XKR5: variants seen among roughly 807,000 people sequenced by gnomAD.
The protein encoded by XKR5 is XK related 5.
XKR5 carries 46 observed loss-of-function variants against 40.8 expected under a neutral mutation model. That is an observed-to-expected ratio of 1.13 (90% CI 0.89 to 1.44). The LOEUF (loss-of-function observed/expected upper bound fraction) is 1.44. Among genes scored for constraint, XKR5 ranks in the 40% most tolerant of loss-of-function variants. XKR5 has a pLI of 0.00. For synonymous variants in XKR5, 466 were observed against 356.1 expected (o/e 1.31, Z -3.48); for missense variants, 1,169 against 844.7 (o/e 1.38, Z -4.76).
intron 1 of XKR5, among the ~76,000 whole-genome samples, chr8:6,833,656 C>T (rs1804870821): frequency 6.6e-6 from 1 of 152,140 alleles, no homozygotes; most frequent in Non-Finnish European, 1.5e-5. Context: ...GCGGAGTTTG[C>T]AGTGAGTCGA....
chr8:6,832,579 G>A, intron 2 of XKR5, 138 bp downstream of exon 2: 1 of 1,069,978 alleles, frequency 9.3e-7, no homozygotes, highest in South Asian at 1.6e-5. Flanking sequence ...CAGAGCAGGG[G>A]TTTGCTGTGG....
chr8:6,825,024 T>C, intron 3 of XKR5, 141 bp downstream of exon 3: 1 of 928,718 alleles, frequency 1.1e-6, no homozygotes, highest in Non-Finnish European at 1.6e-6. Context: ...GTTTTAAGCA[T>C]CATCTGTGCC....
Position 6,815,857 on chromosome 8 carries a change from G to A in XKR5, c.869C>T (p.Ser290Leu), listed in dbSNP as rs965780263. 2.1e-5 allele frequency: 33 copies of A among 1,605,384 alleles called. No homozygotes were observed. Among genetic ancestry groups the A allele is most frequent in the Middle Eastern group, 1.6e-4 (1 of 6,072 alleles). Residue 290 changes from serine (S) to leucine (L), a missense_variant, in exon 6 of 7, where the codon TCG becomes TTG. Ser to Leu is a moderately radical substitution (Grantham distance 145, BLOSUM62 -2). Coordinates refer to ENST00000618742, the MANE Select transcript of XKR5 (RefSeq NM_207411.5). ...AGCTATGGTCTGCAGGCTGGTCCAC[G>A]ATGCCCCCTGGAGAAAGTCGGTGGC... ...LLATDFLQGA[S>L]WTSLQTIAGV...
In XKR5 at chr8:6,820,215, C is replaced by A. The variant is rs1804171041; in HGVS notation, c.807+1654G>T. ...AGGGATCCAAGCCCCCGGGCTAGGACTGCCCGGCCTGGATGGGTCTGTGCA... is the reference window on the plus strand; with the variant it reads ...AGGGATCCAAGCCCCCGGGCTAGGAATGCCCGGCCTGGATGGGTCTGTGCA... On this transcript the variant is annotated intron_variant, in intron 5 of 6. Coordinates refer to ENST00000618742, the MANE Select transcript of XKR5 (RefSeq NM_207411.5). 2.0e-5 allele frequency among the ~76,000 whole-genome samples: 3 copies of A among 152,270 alleles called. No homozygotes were observed. In the South Asian group the frequency reaches 6.2e-4, roughly 31 times the overall value.
Position 6,835,524 on chromosome 8 carries a change from C to T in XKR5, c.-31G>A. The T allele has an allele frequency of 3.4e-6, 5 of 1,476,396 alleles. No homozygotes were observed. The highest frequency in any genetic ancestry group is 4.5e-6 in the Non-Finnish European group (5 of 1,120,128). The allele number at this position is 1,476,396 out of a possible 1,614,324, so 91.5% of individuals were successfully genotyped here. A position where few individuals can be genotyped will look rare whatever the true frequency, so the allele number is the denominator to read the frequency against. On this transcript the variant is annotated 5_prime_UTR_variant, in exon 1 of 7. Coordinates refer to ENST00000618742, the MANE Select transcript of XKR5 (RefSeq NM_207411.5). Reference sequence around the variant, plus strand: ...GTGCCGACCCCGCAGCCTGCGCCCGCCCCTTCCCCTGCACGCGGCCCCGCG... The same window carrying T: ...GTGCCGACCCCGCAGCCTGCGCCCGTCCCTTCCCCTGCACGCGGCCCCGCG...
intron 5 of XKR5, among the ~76,000 whole-genome samples, chr8:6,817,694 G>A (rs570747794): frequency 1.3e-5 from 2 of 152,350 alleles, no homozygotes; most frequent in South Asian, 4.1e-4. Flanking sequence ...TTTCCGAGCA[G>A]TTCCTTTAGA....
rs1047890415 is a variant in XKR5 at position 6,821,965 on chromosome 8, C to A, written c.711G>T (p.Trp237Cys). 3 of 1,612,054 alleles carry A rather than the reference C, an allele frequency of 1.9e-6. No homozygotes were observed. The African/African-American group carries it at 4.0e-5, about 21-fold the overall frequency. ...QSDIIDSTCH[W>C]RLFNLLVGAV... ...CCCCCACGAGCAGGTTGAACAGCCT[C>A]CAGTGGCAGGTGCTGTCGATGATGT... The change falls in exon 5 of 7, where the codon TGG becomes TGT. Residue 237 changes from tryptophan (W) to cysteine (C), a missense_variant. Coordinates refer to ENST00000618742, the MANE Select transcript of XKR5 (RefSeq NM_207411.5).
rs1476120082 is a variant in XKR5 at position 6,825,022 on chromosome 8, C to A, written c.427+143G>T. ...TGCACCAGCAAAAGCCAGTTTTAAG[C>A]ATCATCTGTGCCAGTGAGCTCAAGG... On this transcript the variant is annotated intron_variant, in intron 3 of 6. Coordinates refer to ENST00000618742, the MANE Select transcript of XKR5 (RefSeq NM_207411.5). 6 of 911,894 alleles carry A rather than the reference C, an allele frequency of 6.6e-6. No homozygotes were observed. The Admixed American group carries it at 1.8e-4, about 28-fold the overall frequency. 56.5% of individuals were successfully genotyped at this position (911,894 alleles called of 1,614,324 possible). A position where few individuals can be genotyped will look rare whatever the true frequency, so the allele number is the denominator to read the frequency against.
Position 6,832,865 on chromosome 8 carries a change from G to T in XKR5, c.94C>A (p.Arg32=). 1 of 1,607,730 alleles carries T rather than the reference G, an allele frequency of 6.2e-7. No homozygotes were observed. Among genetic ancestry groups the T allele is most frequent in the East Asian group, 2.2e-5 (1 of 44,626 alleles). Residue 32 remains arginine (R), a synonymous_variant, in exon 2 of 7, where the codon CGG becomes AGG. Coordinates refer to ENST00000618742, the MANE Select transcript of XKR5 (RefSeq NM_207411.5). ...AGGGCCAGCCACCCCCACAGAAGCC[G>T]TCCTGTGGTGAAGTAGTAAGCCACG... The part of the protein sequence containing the change: ...YTVAYYFTTG[R]LLWGWLALAV...
chr8:6,825,220 G>C lies in XKR5; in HGVS notation c.372C>G (p.His124Gln). The C allele has an allele frequency of 6.2e-7, 1 of 1,613,130 alleles. No individual in the cohort carries two copies. Among genetic ancestry groups the C allele is most frequent in the South Asian group, 1.1e-5 (1 of 90,896 alleles). ...GAAAAACATATGTCTGAAGCAGCAG[G>C]TGGGGCCCAGTCTGCAGCAGGGCCT... ...LLEALLQTGPHLLLQTYVFLA... is the reference protein window; with the variant it reads ...LLEALLQTGPQLLLQTYVFLA... Residue 124 changes from histidine to glutamine, a missense_variant, in exon 3 of 7, where the codon CAC (histidine) becomes CAG (glutamine). Physicochemically the swap from His to Gln is conservative, Grantham distance 24. Transcript: ENST00000618742.
intron 2 of XKR5, chr8:6,829,166 T>A (rs1804648912): frequency 5.9e-6 from 1 of 168,380 alleles, no homozygotes; most frequent in Non-Finnish European, 1.5e-5. Flanking sequence ...CTGTCTTACA[T>A]ACCTTTAGAG....
At position 6,811,132 on chromosome 8, in the gene XKR5, T is replaced by C; in HGVS notation, c.*66A>G. On this transcript the variant is annotated 3_prime_UTR_variant, in exon 7 of 7. Coordinates refer to ENST00000618742, the MANE Select transcript of XKR5 (RefSeq NM_207411.5). ...CACAGGTGTCAGAAGTGGGATTTCC[T>C]TTCTCACGGTACCAAATGGCCAGCT... 4 of 1,446,288 alleles carry C rather than the reference T, an allele frequency of 2.8e-6. No homozygotes were observed. The highest frequency in any genetic ancestry group is 2.3e-5 in the Admixed American group (1 of 42,586). The allele number at this position is 1,446,288 out of a possible 1,614,324, so 89.6% of individuals were successfully genotyped here. A position where few individuals can be genotyped will look rare whatever the true frequency, so the allele number is the denominator to read the frequency against.
At chr8:6,823,408 C>T (rs1181613116) in intron 4 of XKR5, 113 bp downstream of exon 4, 1 of 1,127,782 alleles carries the variant, frequency 8.9e-7, no homozygotes, top group Non-Finnish European at 1.3e-6. Flanking sequence ...GCAGAGAGCC[C>T]AGTCAGCCTT....
intron 5 of XKR5, 54 bp from the exon 6 acceptor site, chr8:6,815,972 G>C: frequency 1.4e-6 from 2 of 1,392,560 alleles, no homozygotes; most frequent in Admixed American, 2.0e-5. Flanking sequence ...ACTGCCTAGG[G>C]ACCCCCGTCC....
chr8:6,813,611 G>A (rs892424201), intron 6 of XKR5, among the ~76,000 whole-genome samples: 1 of 152,186 alleles, frequency 6.6e-6, no homozygotes, highest in Non-Finnish European at 1.5e-5. Flanking sequence ...ATTCCCAAGG[G>A]TCGGCTGGGA....
intron 3 of XKR5, among the ~76,000 whole-genome samples, chr8:6,824,606 C>A (rs372539469): frequency 6.6e-6 from 1 of 152,188 alleles, no homozygotes; most frequent in Non-Finnish European, 1.5e-5. Context: ...TCATGACTCA[C>A]TGCAGCCTCA....
At position 6,811,594 on chromosome 8, in the gene XKR5, T is replaced by C; in HGVS notation, c.1665A>G (p.Gln555=). The change falls in exon 7 of 7, where the codon CAA becomes CAG. Residue 555 remains glutamine, a synonymous_variant. Coordinates refer to ENST00000618742, the MANE Select transcript of XKR5 (RefSeq NM_207411.5). ...GCAGAGTAGCTGGGCTGCCTTCTTGTTGTGAGGATGTGGCCACTTCTGCAG... is the reference window on the plus strand; with the variant it reads ...GCAGAGTAGCTGGGCTGCCTTCTTGCTGTGAGGATGTGGCCACTTCTGCAG... The part of the protein sequence containing the change: ...SATAEVATSS[Q]QEGSPATLQT... 6 of 1,537,232 alleles carry C rather than the reference T, an allele frequency of 3.9e-6. No homozygotes were observed. Among genetic ancestry groups the C allele is most frequent in the Non-Finnish European group, 5.2e-6 (6 of 1,146,926 alleles).
At position 6,825,353 on chromosome 8, in the gene XKR5, G is replaced by T. The variant is rs372320747; in HGVS notation, c.243-4C>A. On this transcript the variant is annotated splice_region_variant and splice_polypyrimidine_tract_variant and intron_variant, in intron 2 of 6. Coordinates refer to ENST00000618742, the MANE Select transcript of XKR5 (RefSeq NM_207411.5). ...GGTCAGTGCAGCGTCCCAGTGCCTAGGGAACAGCAGAGGGCACGTGACACG... is the reference window on the plus strand; with the variant it reads ...GGTCAGTGCAGCGTCCCAGTGCCTATGGAACAGCAGAGGGCACGTGACACG... 72 of 1,537,570 alleles carry T rather than the reference G, an allele frequency of 4.7e-5. No homozygotes were observed. In the Middle Eastern group the frequency reaches 1.1e-3, roughly 24 times the overall value.
intron 5 of XKR5, among the ~76,000 whole-genome samples, chr8:6,819,429 T>C (rs1804122745): frequency 6.6e-6 from 1 of 152,236 alleles, no homozygotes; most frequent in African/African-American, 2.4e-5. Flanking sequence ...AGTCTGGGCA[T>C]TTCTAACCTG....
Sources: allele counts gnomAD v4.1 joint callset (sites outside exome capture counted in the v4.1 genomes callset), GRCh38; gene constraint gnomAD v4.1.1; transcripts MANE v1.5; gene names NCBI Gene and HGNC (gene_info 2026-07-23, HGNC 2026-07-21).